The following ERBB4 variants were observed in gnomAD, a reference collection of about 807,000 sequenced individuals.
ERBB4 encodes erb-b2 receptor tyrosine kinase 4, also known as receptor tyrosine-protein kinase erbB-4.
ERBB4 carries 42 observed loss-of-function variants against 158.0 expected under a neutral mutation model. The ratio of observed to expected loss-of-function variants is 0.27; its 90% confidence interval spans 0.21 to 0.34. The LOEUF (loss-of-function observed/expected upper bound fraction) is 0.34, where lower values mean the gene tolerates loss of function less well. ERBB4 is among the 10% of genes least tolerant of loss of function. ERBB4 has a pLI of 1.00. For synonymous variants in ERBB4, 583 were observed against 558.7 expected, an observed-to-expected ratio of 1.04 and a Z score of -0.61; for missense variants, 1,333 against 1,624.1, an observed-to-expected ratio of 0.82 and a Z score of 3.08.
At chr2:211,942,764 C>A (rs906922857) in intron 3 of ERBB4, among the ~76,000 whole-genome samples, 2 of 152,046 alleles carry the variant, frequency 1.3e-5, no homozygotes, top group African/African-American at 2.4e-5. Context: ...ATAGCGTATT[C>A]AGCTAATTTT....
chr2:211,702,203 C>T (rs747093796), intron 11 of ERBB4, 37 bp from the exon 12 acceptor site: 13 of 1,500,848 alleles, frequency 8.7e-6, no homozygotes, highest in African/African-American at 4.1e-5. Flanking sequence ...AACCATGAAA[C>T]GCATTCCGGA....
Position 211,677,787 on chromosome 2 carries a change from T to C in ERBB4, c.1622+1265A>G, listed in dbSNP as rs898011139. 5.3e-5 allele frequency among the ~76,000 whole-genome samples: 8 copies of C among 152,180 alleles called. No individual in the cohort carries two copies. In the South Asian group the frequency reaches 1.0e-3, roughly 20 times the overall value. ...TACTCGGGAGGCTGAGGCAGGAGAA[T>C]GGCATGAACCTGGGTGGTGGAGCTT... On this transcript the variant is annotated intron_variant, in intron 13 of 27. Coordinates refer to ENST00000342788, the MANE Select transcript of ERBB4 (RefSeq NM_005235.3).
intron 1 of ERBB4, among the ~76,000 whole-genome samples, chr2:212,389,745 T>G (rs2090793938): frequency 6.6e-6 from 1 of 152,000 alleles, no homozygotes; most frequent in Non-Finnish European, 1.5e-5. Context: ...TACTTGGCAT[T>G]ATATTAAAAT....
chr2:212,056,358 G>A (rs1020233880), intron 2 of ERBB4, among the ~76,000 whole-genome samples: 5 of 152,128 alleles, frequency 3.3e-5, no homozygotes, highest in African/African-American at 1.2e-4. Context: ...CACTCTGCAG[G>A]GTATTATCCA....
At chr2:211,689,387 T>C (rs72945099) in intron 12 of ERBB4, among the ~76,000 whole-genome samples, 17,035 of 152,100 alleles carry the variant, frequency 0.11, 1,405 homozygotes, top group Non-Finnish European at 0.17. Flanking sequence ...TTTGTAGAGA[T>C]GGAGTTTCAC....
In ERBB4 at chr2:211,382,888, A is replaced by C. The variant is rs1043857977; in HGVS notation, c.*727T>G. 1 of 232,666 alleles carries C rather than the reference A, an allele frequency of 4.3e-6. No homozygotes were observed. The highest frequency in any genetic ancestry group is 8.5e-6 in the Non-Finnish European group (1 of 117,788). The allele number at this position is 232,666 out of a possible 1,614,324, so 14.4% of individuals were successfully genotyped here. A position where few individuals can be genotyped will look rare whatever the true frequency, so the allele number is the denominator to read the frequency against. ...AAATTCTGTGAAGAAGCTTTGATGT[A>C]AACATCTTTGCAATTAGAAATTAAA... On this transcript the variant is annotated 3_prime_UTR_variant, in exon 28 of 28. Coordinates refer to ENST00000342788, the MANE Select transcript of ERBB4 (RefSeq NM_005235.3).
At chr2:212,390,827 G>C (rs1041220788) in intron 1 of ERBB4, among the ~76,000 whole-genome samples, 1 of 151,704 alleles carries the variant, frequency 6.6e-6, no homozygotes, top group Non-Finnish European at 1.5e-5. Flanking sequence ...TCAAAAAAGG[G>C]ACATTAATTG....
intron 5 of ERBB4, among the ~76,000 whole-genome samples, chr2:211,740,296 G>T (rs1376806682): frequency 6.6e-6 from 1 of 151,546 alleles, no homozygotes; most frequent in Non-Finnish European, 1.5e-5. Flanking sequence ...AAATATTTTT[G>T]TATGTTTTTA....
At chr2:212,504,969 T>C (rs902520143) in intron 1 of ERBB4, among the ~76,000 whole-genome samples, 1 of 152,230 alleles carries the variant, frequency 6.6e-6, no homozygotes, top group African/African-American at 2.4e-5. Flanking sequence ...TTTTTGTAAT[T>C]ATAACTAAAA....
intron 3 of ERBB4, among the ~76,000 whole-genome samples, chr2:211,889,874 G>T (rs1460318508): frequency 8.0e-5 from 12 of 149,708 alleles, no homozygotes; most frequent in Admixed American, 7.4e-4. Context: ...AAAAAGAAAT[G>T]AGCAAAGCCT....
chr2:211,461,104 C>T (rs960859080), intron 20 of ERBB4, among the ~76,000 whole-genome samples: 1 of 151,594 alleles, frequency 6.6e-6, no homozygotes, highest in Non-Finnish European at 1.5e-5. Flanking sequence ...AAAATCCCTG[C>T]TTTTGATTAA....
At chr2:212,306,909 T>C (rs1303848443) in intron 1 of ERBB4, among the ~76,000 whole-genome samples, 4 of 151,472 alleles carry the variant, frequency 2.6e-5, no homozygotes, top group African/African-American at 4.8e-5. Flanking sequence ...TAAGATTTAA[T>C]TGTAAGATTT....
At chr2:211,976,944 A>G (rs1290466227) in intron 2 of ERBB4, among the ~76,000 whole-genome samples, 1 of 152,220 alleles carries the variant, frequency 6.6e-6, no homozygotes, top group East Asian at 1.9e-4. Context: ...GCTTAATTCC[A>G]CTGTAAAATA....
chr2:211,655,233 C>T (rs543906756), intron 16 of ERBB4, among the ~76,000 whole-genome samples: 57 of 152,126 alleles, frequency 3.7e-4, no homozygotes, highest in African/African-American at 1.2e-3. Context: ...AGGGGCCCAT[C>T]AAAAGGGCTT....
At chr2:212,226,769 G>C (rs1429618760) in intron 1 of ERBB4, among the ~76,000 whole-genome samples, 1 of 151,868 alleles carries the variant, frequency 6.6e-6, no homozygotes, top group Non-Finnish European at 1.5e-5. Context: ...ATAAATAAAT[G>C]GAACACTAAA....
intron 3 of ERBB4, among the ~76,000 whole-genome samples, chr2:211,796,285 G>C (rs1166989664): frequency 6.6e-6 from 1 of 151,780 alleles, no homozygotes; most frequent in Admixed American, 6.6e-5. Context: ...CCTTTTGCTC[G>C]ATATTATGTT....
chr2:211,893,079 C>CA (rs1319154894), intron 3 of ERBB4, among the ~76,000 whole-genome samples: 1 of 146,882 alleles, frequency 6.8e-6, no homozygotes, highest in East Asian at 1.9e-4. Flanking sequence ...CATATGGAAC[C>CA]AAAAAAGAGC....
intron 2 of ERBB4, among the ~76,000 whole-genome samples, chr2:211,992,968 C>G (rs564728842): frequency 2.0e-4 from 30 of 152,126 alleles, no homozygotes; most frequent in African/African-American, 7.0e-4. Context: ...CAGTAATAAC[C>G]CAATCAACTA....
At chr2:211,620,838 G>C (rs2069573127) in intron 18 of ERBB4, among the ~76,000 whole-genome samples, 1 of 152,176 alleles carries the variant, frequency 6.6e-6, no homozygotes, top group African/African-American at 2.4e-5. Flanking sequence ...ATATAGGCCA[G>C]GCATGGTGGC....
Sources: allele counts gnomAD v4.1 joint callset (sites outside exome capture counted in the v4.1 genomes callset), GRCh38; gene constraint gnomAD v4.1.1; transcripts MANE v1.5; gene names NCBI Gene and HGNC (gene_info 2026-07-23, HGNC 2026-07-21).